LRRC4C: variants seen among roughly 807,000 people sequenced by gnomAD.
LRRC4C encodes the protein leucine-rich repeat-containing protein 4C.
A neutral mutation model predicts 33.6 loss-of-function variants in LRRC4C; 5 were observed. The ratio of observed to expected loss-of-function variants is 0.15; its 90% CI spans 0.08 to 0.31. The LOEUF is 0.31. Among genes scored for constraint, LRRC4C ranks in the 10% least tolerant of loss-of-function variants. The probability of loss-of-function intolerance (pLI) is 1.00; values close to 1 mark genes in which losing one functional copy is unlikely to be tolerated. For synonymous variants in LRRC4C, 329 were observed against 302.0 expected (o/e 1.09, Z -0.93); for missense variants, 560 against 796.7 (o/e 0.70, Z 3.58).
intron 1 of LRRC4C, among the ~76,000 whole-genome samples, chr11:41,131,106 C>G (rs1942990132): frequency 6.6e-6 from 1 of 151,948 alleles, no homozygotes. Context: ...AACATTGGAT[C>G]AAGTGGTGCA....
At chr11:40,187,867 G>T (rs562507726) in intron 5 of LRRC4C, among the ~76,000 whole-genome samples, 69 of 152,266 alleles carry the variant, frequency 4.5e-4, no homozygotes, top group African/African-American at 1.6e-3. Context: ...GGAGAAAAAT[G>T]CATGGAAGGA....
intron 3 of LRRC4C, among the ~76,000 whole-genome samples, chr11:40,506,032 A>G (rs769505481): frequency 6.6e-6 from 1 of 152,176 alleles, no homozygotes; most frequent in African/African-American, 2.4e-5. Flanking sequence ...GGTTCAAACT[A>G]CAGACTTACA....
At chr11:40,926,752 C>A (rs1333879554) in intron 2 of LRRC4C, among the ~76,000 whole-genome samples, 1 of 151,722 alleles carries the variant, frequency 6.6e-6, no homozygotes, top group Admixed American at 6.6e-5. Context: ...AGATAGAAGT[C>A]TACACAGAAA....
intron 2 of LRRC4C, among the ~76,000 whole-genome samples, chr11:40,888,039 G>A (rs1292612361): frequency 2.0e-5 from 3 of 151,866 alleles, no homozygotes; most frequent in Admixed American, 6.6e-5. Context: ...ATCAGAATAA[G>A]AGCCTACTTC....
At chr11:40,501,229 A>T (rs899764104) in intron 3 of LRRC4C, among the ~76,000 whole-genome samples, 3 of 152,080 alleles carry the variant, frequency 2.0e-5, no homozygotes, top group Admixed American at 6.5e-5. Context: ...TGCTTTCACA[A>T]GCTGCTGTGA....
chr11:40,822,139 A>G (rs1237171918), intron 2 of LRRC4C, among the ~76,000 whole-genome samples: 1 of 151,632 alleles, frequency 6.6e-6, no homozygotes, highest in Non-Finnish European at 1.5e-5. Context: ...CCACTAACCC[A>G]CCAATCTTCA....
chr11:40,766,480 G>A (rs1463738928), intron 2 of LRRC4C, among the ~76,000 whole-genome samples: 5 of 150,958 alleles, frequency 3.3e-5, no homozygotes, highest in Non-Finnish European at 7.4e-5. Flanking sequence ...TAATTGTGGT[G>A]TATAACCTAC....
intron 1 of LRRC4C, among the ~76,000 whole-genome samples, chr11:41,388,493 G>C (rs1358561350): frequency 6.6e-6 from 1 of 151,810 alleles, no homozygotes; most frequent in Non-Finnish European, 1.5e-5. Context: ...TGTGCTAAAA[G>C]TATGGCAAAG....
chr11:40,829,109 A>G (rs1952294287), intron 2 of LRRC4C, among the ~76,000 whole-genome samples: 1 of 151,980 alleles, frequency 6.6e-6, no homozygotes, highest in Non-Finnish European at 1.5e-5. Context: ...TAAGGAAATG[A>G]TTATATCATC....
At chr11:40,233,516 G>A (rs1040142483) in intron 5 of LRRC4C, among the ~76,000 whole-genome samples, 5 of 152,080 alleles carry the variant, frequency 3.3e-5, no homozygotes, top group East Asian at 3.9e-4. Flanking sequence ...GATCCTAGAC[G>A]CAGAGAGCTG....
At chr11:41,105,850 A>G (rs1480400767) in intron 1 of LRRC4C, among the ~76,000 whole-genome samples, 1 of 152,140 alleles carries the variant, frequency 6.6e-6, no homozygotes, top group Non-Finnish European at 1.5e-5. Flanking sequence ...CACATATGAT[A>G]TGCATTTTAT....
chr11:41,106,660 A>G (rs1941514150), intron 1 of LRRC4C, among the ~76,000 whole-genome samples: 1 of 152,058 alleles, frequency 6.6e-6, no homozygotes, highest in African/African-American at 2.4e-5. Flanking sequence ...TCTTTCTCAT[A>G]TTTCTGAAGT....
At chr11:40,986,185 G>A (rs571893392) in intron 1 of LRRC4C, among the ~76,000 whole-genome samples, 2 of 152,136 alleles carry the variant, frequency 1.3e-5, no homozygotes, top group African/African-American at 2.4e-5. Flanking sequence ...GATTCAGAAG[G>A]CTCTGGACAT....
intron 5 of LRRC4C, among the ~76,000 whole-genome samples, chr11:40,230,408 T>C (rs530923418): frequency 1.3e-5 from 2 of 152,210 alleles, no homozygotes; most frequent in Admixed American, 1.3e-4. Context: ...CATGCACATG[T>C]TTACCCAAGA....
At chr11:41,330,435 G>C (rs1951257018) in intron 1 of LRRC4C, among the ~76,000 whole-genome samples, 1 of 152,064 alleles carries the variant, frequency 6.6e-6, no homozygotes, top group African/African-American at 2.4e-5. Context: ...AAATTGTTGA[G>C]TGGCTAGGGT....
At chr11:40,133,585 G>C (rs1411113381) in intron 6 of LRRC4C, among the ~76,000 whole-genome samples, 2 of 152,076 alleles carry the variant, frequency 1.3e-5, no homozygotes, top group African/African-American at 4.8e-5. Context: ...TACCTACCAG[G>C]GAACTCCAAT....
At chr11:41,160,778 C>T (rs1213272329) in intron 1 of LRRC4C, among the ~76,000 whole-genome samples, 1 of 152,024 alleles carries the variant, frequency 6.6e-6, no homozygotes, top group Non-Finnish European at 1.5e-5. Context: ...TTGCTTAGTG[C>T]TAAGGAAGTT....
intron 1 of LRRC4C, among the ~76,000 whole-genome samples, chr11:41,003,823 G>T (rs892492107): frequency 6.6e-6 from 1 of 151,858 alleles, no homozygotes; most frequent in African/African-American, 2.4e-5. Flanking sequence ...GGTCTGCCTG[G>T]CTCTGAGGGG....
chr11:41,004,569 T>C (rs905222338), intron 1 of LRRC4C, among the ~76,000 whole-genome samples: 2 of 152,234 alleles, frequency 1.3e-5, no homozygotes, highest in African/African-American at 2.4e-5. Context: ...CTATCTCTTT[T>C]CTTAGATGAT....
Sources: allele counts gnomAD v4.1 joint callset (sites outside exome capture counted in the v4.1 genomes callset), GRCh38; gene constraint gnomAD v4.1.1; transcripts MANE v1.5; gene names NCBI Gene and HGNC (gene_info 2026-07-23, HGNC 2026-07-21).